VPS13B: variants seen among roughly 807,000 people sequenced by gnomAD.
VPS13B encodes vacuolar protein sorting 13 homolog B.
VPS13B carries 285 observed loss-of-function variants against 426.4 expected under a neutral mutation model. That is an observed-to-expected ratio of 0.67 (90% CI 0.61 to 0.74). The LOEUF (loss-of-function observed/expected upper bound fraction) is 0.74, where lower values mean the gene tolerates loss of function less well. Among genes scored for constraint, VPS13B ranks in the 30% least tolerant of loss-of-function variants. The pLI is 0.00. For missense variants in VPS13B, 4,537 were observed against 4,782.6 expected, an observed-to-expected ratio of 0.95 and a Z score of 1.51; for synonymous variants, 1,676 against 1,676.4, an observed-to-expected ratio of 1.00 and a Z score of 0.01.
intron 39 of VPS13B, among the ~76,000 whole-genome samples, chr8:99,743,080 T>G (rs1349577155): frequency 6.6e-6 from 1 of 152,186 alleles, no homozygotes; most frequent in Non-Finnish European, 1.5e-5. Context: ...GAAAACCCCA[T>G]TATCTCAGCC....
At chr8:99,602,941 A>G (rs956269505) in intron 33 of VPS13B, among the ~76,000 whole-genome samples, 3 of 152,224 alleles carry the variant, frequency 2.0e-5, no homozygotes, top group African/African-American at 7.2e-5. Flanking sequence ...TATCGTGAAA[A>G]TGGCCATACT....
intron 21 of VPS13B, among the ~76,000 whole-genome samples, chr8:99,412,527 T>G (rs1815738990): frequency 6.6e-6 from 1 of 152,198 alleles, no homozygotes; most frequent in Non-Finnish European, 1.5e-5. Context: ...CAGAGACAAT[T>G]TGACTTCCTG....
At chr8:99,134,931 C>A in intron 9 of VPS13B, 84 bp from the exon 10 acceptor site, 2 of 1,517,044 alleles carry the variant, frequency 1.3e-6, no homozygotes, top group Non-Finnish European at 1.8e-6. Context: ...AGATGTTTAA[C>A]TAATTTAGAG....
intron 23 of VPS13B, among the ~76,000 whole-genome samples, chr8:99,456,110 A>C (rs1337358493): frequency 1.3e-5 from 2 of 152,138 alleles, no homozygotes; most frequent in African/African-American, 4.8e-5. Context: ...TGGGTTTTTC[A>C]GAGATGCCCA....
intron 19 of VPS13B, among the ~76,000 whole-genome samples, chr8:99,312,867 C>A (rs1821087808): frequency 6.6e-6 from 1 of 152,156 alleles, no homozygotes; most frequent in African/African-American, 2.4e-5. Context: ...TTGTTCATTT[C>A]TTTTTACTCT....
intron 20 of VPS13B, among the ~76,000 whole-genome samples, chr8:99,388,376 T>C (rs1184329278): frequency 6.6e-6 from 1 of 152,200 alleles, no homozygotes. Flanking sequence ...ATAGGTATGT[T>C]GTATTCTTTG....
intron 3 of VPS13B, among the ~76,000 whole-genome samples, chr8:99,086,991 C>T (rs1845848942): frequency 6.6e-6 from 1 of 152,194 alleles, no homozygotes; most frequent in African/African-American, 2.4e-5. Flanking sequence ...AGCTGTCAGA[C>T]AGGGACATTT....
intron 3 of VPS13B, among the ~76,000 whole-genome samples, chr8:99,046,112 T>C (rs1331930527): frequency 6.6e-6 from 1 of 152,146 alleles, no homozygotes; most frequent in Non-Finnish European, 1.5e-5. Flanking sequence ...GGGAATTGTA[T>C]TGAATTTGTA....
intron 39 of VPS13B, among the ~76,000 whole-genome samples, chr8:99,731,169 G>A (rs545242131): frequency 3.9e-5 from 6 of 152,272 alleles, no homozygotes; most frequent in Middle Eastern, 3.4e-3. Context: ...GTGAGAGGCC[G>A]CAGATGTGGC....
At chr8:99,090,669 A>T (rs6468659) in intron 3 of VPS13B, among the ~76,000 whole-genome samples, 125,355 of 151,912 alleles carry the variant, frequency 0.83, 52,231 homozygotes, top group South Asian at 0.89. Context: ...TACTTTTTTT[A>T]AATTTTTTTT....
intron 17 of VPS13B, chr8:99,233,281 C>T (rs770890668): frequency 2.2e-5 from 25 of 1,156,274 alleles, no homozygotes; most frequent in African/African-American, 3.0e-5. Flanking sequence ...GCCAATCACC[C>T]GGCCAGCTGT....
chr8:99,809,528 C>G lies in VPS13B; in HGVS notation c.8095C>G (p.Gln2699Glu). The change falls in exon 44 of 62, where the codon CAG becomes GAG. Residue 2699 changes from glutamine to glutamate, a missense_variant and splice_region_variant. Transcript: ENST00000357162. The stretch of plus-strand genomic sequence containing the variant: ...TCAGCAACTCAATGGAGTACAAAAA[C>G]AGGTAAGTTTCTTTGTGTTCATGAC... ...KVQQLNGVQK[Q>E]IIICGRQIIC... The G allele has an allele frequency of 1.2e-6, 2 of 1,613,980 alleles. No individual in the cohort carries two copies. The highest frequency in any genetic ancestry group is 1.7e-6 in the Non-Finnish European group (2 of 1,179,932).
intron 19 of VPS13B, among the ~76,000 whole-genome samples, chr8:99,306,315 A>G (rs371084447): frequency 3.1e-4 from 47 of 152,234 alleles, no homozygotes; most frequent in African/African-American, 1.0e-3. Context: ...AGACATATCT[A>G]GAGTGCCAGA....
chr8:99,274,511 A>C (rs1818793365), intron 18 of VPS13B, among the ~76,000 whole-genome samples, 179 bp downstream of exon 18: 1 of 152,018 alleles, frequency 6.6e-6, no homozygotes, highest in African/African-American at 2.4e-5. Context: ...ACTTTAACAA[A>C]TTTTTATTTA....
chr8:99,317,723 G>C (rs1027518514), intron 19 of VPS13B, among the ~76,000 whole-genome samples: 1 of 151,940 alleles, frequency 6.6e-6, no homozygotes. Flanking sequence ...TAATAAAAAA[G>C]GCCTAGAGAA....
At position 99,396,027 on chromosome 8, in the gene VPS13B, T is replaced by G. The variant is rs115119144; in HGVS notation, c.3082+4323T>G. Among the ~76,000 whole-genome samples, 795 of 152,128 alleles carry G rather than the reference T, an allele frequency of 5.2e-3. 13 individuals carry two copies. The highest frequency in any genetic ancestry group is 0.018 in the African/African-American group (745 of 41,486). ...GAAATTAATTAACTTGAAGACATAG[T>G]GATGGAAACATGCCAAAATGAAGCA... is the stretch of plus-strand genomic sequence containing the variant. On this transcript the variant is annotated intron_variant, in intron 21 of 61. Transcript: ENST00000357162.
intron 19 of VPS13B, chr8:99,341,771 A>G: frequency 2.6e-6 from 1 of 384,146 alleles, no homozygotes; most frequent in South Asian, 2.5e-5. Context: ...TCTGGGTCAA[A>G]CCCCCAGGCG....
At chr8:99,450,052 C>T (rs1288347911) in intron 23 of VPS13B, among the ~76,000 whole-genome samples, 4 of 152,178 alleles carry the variant, frequency 2.6e-5, no homozygotes, top group Admixed American at 2.0e-4. Context: ...ATCCACCCCT[C>T]TTGGCCTCCC....
At chr8:99,464,174 T>C (rs1818983575) in intron 23 of VPS13B, among the ~76,000 whole-genome samples, 1 of 152,196 alleles carries the variant, frequency 6.6e-6, no homozygotes. Context: ...TGAGTCATAC[T>C]GGTTTTTTGA....
Sources: allele counts gnomAD v4.1 joint callset (sites outside exome capture counted in the v4.1 genomes callset), GRCh38; gene constraint gnomAD v4.1.1; transcripts MANE v1.5; gene names NCBI Gene and HGNC (gene_info 2026-07-23, HGNC 2026-07-21).